DENND4C: variants seen among roughly 807,000 people sequenced by gnomAD.
DENND4C encodes the protein DENN domain containing 4C.
Under a neutral mutation model 203.0 loss-of-function variants are expected in DENND4C, and 108 were observed. The ratio of observed to expected loss-of-function variants is 0.53; its 90% CI spans 0.46 to 0.62. DENND4C has a LOEUF of 0.62. Among genes scored for constraint, DENND4C ranks in the 20% least tolerant of loss-of-function variants. The pLI, the probability that DENND4C is intolerant of heterozygous loss-of-function variation, is 0.00. For missense variants in DENND4C, 2,481 were observed against 2,301.2 expected, an observed-to-expected ratio of 1.08 and a Z score of -1.60; for synonymous variants, 871 against 792.4, an observed-to-expected ratio of 1.10 and a Z score of -1.67.
intron 1 of DENND4C, among the ~76,000 whole-genome samples, chr9:19,233,595 TC>T (rs972533097): frequency 2.0e-5 from 3 of 150,680 alleles, no homozygotes; most frequent in African/African-American, 7.3e-5. Flanking sequence ...TAGTCTCGCT[TC>T]GTCACCCAAG....
chr9:19,306,531 T>C (rs1156752056), intron 10 of DENND4C, among the ~76,000 whole-genome samples: 2 of 152,066 alleles, frequency 1.3e-5, no homozygotes, highest in Non-Finnish European at 2.9e-5. Context: ...CTACTCTCCC[T>C]GAAAAACAAT....
intron 5 of DENND4C, among the ~76,000 whole-genome samples, chr9:19,293,035 A>T (rs966011407): frequency 3.9e-5 from 6 of 152,240 alleles, no homozygotes; most frequent in Non-Finnish European, 7.3e-5. Flanking sequence ...GAACATAGAA[A>T]ATACTGAGTG....
rs796324453 is a variant in DENND4C, at chr9:19,295,260, C to G, written c.802-748C>G. On this transcript the variant is annotated intron_variant, in intron 5 of 32. Transcript: ENST00000434457. ...AGTGGCGCACGCCGTAATCCCAGCA[C>G]TTTGGAAGGCCGAGGTGGGCGGATC... 4.6e-5 allele frequency among the ~76,000 whole-genome samples: 7 copies of G among 152,310 alleles called. 1 individual carries two copies. Among genetic ancestry groups the G allele is most frequent in the African/African-American group, 1.7e-4 (7 of 41,576 alleles).
At chr9:19,361,254 G>T (rs1826434046) in intron 29 of DENND4C, among the ~76,000 whole-genome samples, 1 of 152,136 alleles carries the variant, frequency 6.6e-6, no homozygotes, top group South Asian at 2.1e-4. Context: ...TTTTTCAGAT[G>T]TTATAATTAA....
chr9:19,347,364 C>T (rs1250264971), intron 23 of DENND4C, among the ~76,000 whole-genome samples: 1 of 152,168 alleles, frequency 6.6e-6, no homozygotes, highest in Admixed American at 6.5e-5. Context: ...CTCCTCACCT[C>T]AGGTGATCCA....
chr9:19,323,133 C>A (rs1843161431), intron 12 of DENND4C, among the ~76,000 whole-genome samples: 1 of 152,028 alleles, frequency 6.6e-6, no homozygotes, highest in African/African-American at 2.4e-5. Flanking sequence ...AGCAAGACAC[C>A]CATCTCTTAA....
At chr9:19,261,471 C>G (rs77886446) in intron 1 of DENND4C, among the ~76,000 whole-genome samples, 1 of 142,058 alleles carries the variant, frequency 7.0e-6, no homozygotes, top group African/African-American at 2.6e-5. Context: ...TTTTAAACAA[C>G]TTTGAGTCTT....
At chr9:19,340,003 G>A (rs1186062969) in intron 20 of DENND4C, among the ~76,000 whole-genome samples, 2 of 152,044 alleles carry the variant, frequency 1.3e-5, no homozygotes, top group African/African-American at 4.8e-5. Context: ...ATGTCCTTTA[G>A]ATATTCTCCT....
chr9:19,280,140 G>GCCTTCCTCCCTTCCTC lies in DENND4C; in HGVS notation c.305+3669_305+3684dup, dbSNP rs200833910. 8.5e-4 allele frequency among the ~76,000 whole-genome samples: 127 copies of GCCTTCCTCCCTTCCTC among 149,334 alleles called. 1 individual carries two copies. In the East Asian group the frequency reaches 0.018, roughly 21 times the overall value. ...TTCCTGCCTTCCTGCCTACCTGCCT[G>GCCTTCCTCCCTTCCTC]CCTTCCTCCCTTCCTCCCTTCCTTT... On this transcript the variant is annotated intron_variant, in intron 2 of 32. Coordinates refer to ENST00000434457, the MANE Select transcript of DENND4C (RefSeq NM_001330640.2).
chr9:19,328,126 A>C lies in DENND4C; in HGVS notation c.2217A>C (p.Thr739=). The change falls in exon 16 of 33, where the codon ACA becomes ACC. Residue 739 remains threonine, a synonymous_variant. Transcript: ENST00000434457. ...GACACCCTACTGGGAATAGCATTAC[A>C]AAGAGTCCACCTCTCATGGCTAAGA... ...FSRHPTGNSI[T]KSPPLMAKRT... is the part of the protein sequence containing the mutation. 1.2e-6 allele frequency: 2 copies of C among 1,613,668 alleles called. No homozygotes were observed. The highest frequency in any genetic ancestry group is 1.7e-6 in the Non-Finnish European group (2 of 1,179,826).
At chr9:19,239,486 ATGGAGTCTCGC>A (rs1260377786) in intron 1 of DENND4C, among the ~76,000 whole-genome samples, 4 of 149,832 alleles carry the variant, frequency 2.7e-5, no homozygotes, top group Non-Finnish European at 5.9e-5. Flanking sequence ...TTTTTTTAAG[ATGGAGTCTCGC>A]TGTGTCACCC....
chr9:19,272,221 A>T (rs72698386), intron 1 of DENND4C, among the ~76,000 whole-genome samples: 36,863 of 151,430 alleles, frequency 0.24, 4,631 homozygotes, highest in East Asian at 0.44. Context: ...AGAGTTTGAG[A>T]CCAGCCTGGC....
chr9:19,332,998 A>C (rs976740955), intron 17 of DENND4C, among the ~76,000 whole-genome samples: 3 of 150,102 alleles, frequency 2.0e-5, no homozygotes, highest in Non-Finnish European at 4.4e-5. Flanking sequence ...GGTGAGTTAT[A>C]TAATCTATTT....
chr9:19,239,440 A>G (rs1303715818), intron 1 of DENND4C, among the ~76,000 whole-genome samples: 1 of 152,058 alleles, frequency 6.6e-6, no homozygotes, highest in Middle Eastern at 3.4e-3. Flanking sequence ...ATTCCATTGT[A>G]GTCAGAGAAC....
intron 10 of DENND4C, among the ~76,000 whole-genome samples, chr9:19,306,206 G>A (rs569573120): frequency 2.7e-4 from 41 of 152,174 alleles, no homozygotes; most frequent in Non-Finnish European, 4.7e-4. Context: ...CTTCCAGGCC[G>A]TAGAACGCTT....
chr9:19,256,806 C>T (rs1027165409), intron 1 of DENND4C, among the ~76,000 whole-genome samples: 1 of 151,276 alleles, frequency 6.6e-6, no homozygotes, highest in Non-Finnish European at 1.5e-5. Context: ...TGCAGTGGCT[C>T]ACGCCTGAAA....
chr9:19,319,252 C>T (rs1036587552), intron 12 of DENND4C, among the ~76,000 whole-genome samples: 1 of 143,046 alleles, frequency 7.0e-6, no homozygotes, highest in Admixed American at 7.0e-5. Context: ...TATATATAAA[C>T]ATATGTATAA....
At chr9:19,238,342 A>G (rs1822564251) in intron 1 of DENND4C, among the ~76,000 whole-genome samples, 1 of 151,670 alleles carries the variant, frequency 6.6e-6, no homozygotes, top group African/African-American at 2.4e-5. Context: ...TTGGCCTCCC[A>G]AAGTGCTGAG....
Position 19,346,354 on chromosome 9 carries a change from A to G in DENND4C, c.3585A>G (p.Val1195=), listed in dbSNP as rs1453212320. 1 of 1,614,084 alleles carries G rather than the reference A, an allele frequency of 6.2e-7. No homozygotes were observed. Among genetic ancestry groups the G allele is most frequent in the Non-Finnish European group, 8.5e-7 (1 of 1,180,046 alleles). ...TCCTTGAGCCTGTGGTTGATGACGTACCTAAAACTACTGCAACAGTAGATA... is the reference window on the plus strand; with the variant it reads ...TCCTTGAGCCTGTGGTTGATGACGTGCCTAAAACTACTGCAACAGTAGATA... The part of the protein sequence containing the change: ...QELLEPVVDD[V]PKTTATVDTY... Residue 1195 remains valine (V), a synonymous_variant, in exon 23 of 33, where the codon GTA becomes GTG. Coordinates refer to ENST00000434457, the MANE Select transcript of DENND4C (RefSeq NM_001330640.2).
Sources: allele counts gnomAD v4.1 joint callset (sites outside exome capture counted in the v4.1 genomes callset), GRCh38; gene constraint gnomAD v4.1.1; transcripts MANE v1.5; gene names NCBI Gene and HGNC (gene_info 2026-07-23, HGNC 2026-07-21).